TLK1: variants seen among roughly 807,000 people sequenced by gnomAD.
TLK1 encodes tousled like kinase 1, also known as serine/threonine-protein kinase tousled-like 1.
A neutral mutation model predicts 105.3 loss-of-function variants in TLK1; 24 were observed. That is an observed-to-expected ratio of 0.23 (90% CI 0.17 to 0.32). TLK1 has a LOEUF of 0.32. Among genes scored for constraint, TLK1 ranks in the 10% least tolerant of loss-of-function variants. The pLI, the probability that TLK1 is intolerant of heterozygous loss-of-function variation, is 1.00. For synonymous variants in TLK1, 321 were observed against 310.4 expected (o/e 1.03, Z -0.36); for missense variants, 558 against 910.5 (o/e 0.61, Z 4.98).
At chr2:171,228,308 A>C (rs946420678) in intron 1 of TLK1, among the ~76,000 whole-genome samples, 2 of 152,134 alleles carry the variant, frequency 1.3e-5, no homozygotes, top group African/African-American at 4.8e-5. Context: ...AATCCCAGCT[A>C]CTCTGGAGTC....
intron 1 of TLK1, among the ~76,000 whole-genome samples, chr2:171,133,476 G>A (rs760617471): frequency 6.6e-6 from 1 of 152,144 alleles, no homozygotes; most frequent in Non-Finnish European, 1.5e-5. Flanking sequence ...GCAGGTGCCT[G>A]TAATCCCAGC....
intron 11 of TLK1, among the ~76,000 whole-genome samples, chr2:171,033,700 TA>T (rs1360919713): frequency 1.3e-5 from 2 of 150,272 alleles, no homozygotes; most frequent in African/African-American, 2.4e-5. Context: ...GGTGCAAAAG[TA>T]ATTGCGGTTT....
chr2:171,026,320 TA>T (rs1685771403), intron 12 of TLK1, among the ~76,000 whole-genome samples: 1 of 152,130 alleles, frequency 6.6e-6, no homozygotes, highest in Non-Finnish European at 1.5e-5. Flanking sequence ...CCTTACTTTA[TA>T]AAAGTGTTTT....
chr2:171,160,823 C>G lies in TLK1; in HGVS notation c.-395G>C. 2.9e-6 allele frequency: 1 copy of G among 349,316 alleles called. No individual in the cohort carries two copies. The highest frequency in any genetic ancestry group is 5.1e-6 in the Non-Finnish European group (1 of 195,906). The allele number at this position is 349,316 out of a possible 1,614,324, so 21.6% of individuals were successfully genotyped here. ...TGCCGGCACCTCTGCAGTGCGTCGG[C>G]CCCCGGCGTCGCCCGGGAGGCGGCG... On this transcript the variant is annotated 5_prime_UTR_variant, in exon 1 of 21. Coordinates refer to ENST00000431350, the MANE Select transcript of TLK1 (RefSeq NM_012290.5). The surrounding 1 kb of genome is among the most constrained non-coding windows in gnomAD (Gnocchi z 4.4).
intron 1 of TLK1, among the ~76,000 whole-genome samples, chr2:171,230,725 C>T (rs1693981116): frequency 6.6e-6 from 1 of 152,206 alleles, no homozygotes; most frequent in Admixed American, 6.5e-5. Context: ...AGGCAACAGA[C>T]CTACTACAGT....
intron 1 of TLK1, among the ~76,000 whole-genome samples, chr2:171,133,991 C>T (rs1434435845): frequency 2.0e-5 from 3 of 152,020 alleles, no homozygotes; most frequent in Non-Finnish European, 2.9e-5. Flanking sequence ...GCCACCATAC[C>T]TGGCTGTTTT....
chr2:171,117,883 T>TAC, intron 1 of TLK1, 26 bp from the exon 2 acceptor site: 1 of 1,462,892 alleles, frequency 6.8e-7, no homozygotes, highest in Non-Finnish European at 9.5e-7. Context: ...AATATATATG[T>TAC]ACACATATAT....
At chr2:171,149,123 T>A (rs1283714301) in intron 1 of TLK1, among the ~76,000 whole-genome samples, 3 of 117,792 alleles carry the variant, frequency 2.5e-5, no homozygotes, top group Admixed American at 8.7e-5. Context: ...TTTTTTTTTT[T>A]AACATTTCTA....
intron 1 of TLK1, among the ~76,000 whole-genome samples, chr2:171,121,627 T>G (rs1690658563): frequency 6.6e-6 from 1 of 152,168 alleles, no homozygotes; most frequent in Non-Finnish European, 1.5e-5. Context: ...AATGAAAAGG[T>G]AAACAACAGA....
chr2:171,072,799 C>T (rs1290489618), intron 3 of TLK1, among the ~76,000 whole-genome samples: 5 of 150,976 alleles, frequency 3.3e-5, no homozygotes, highest in Admixed American at 2.0e-4. Flanking sequence ...TGCAGTGGTT[C>T]GCTCCTGTAA....
chr2:171,085,797 A>G (rs558065288), intron 2 of TLK1, among the ~76,000 whole-genome samples: 1 of 152,336 alleles, frequency 6.6e-6, no homozygotes, highest in Admixed American at 6.5e-5. Flanking sequence ...AAGCAATAAT[A>G]TGACTTATTG....
intron 1 of TLK1, among the ~76,000 whole-genome samples, chr2:171,183,503 T>C (rs978379495): frequency 2.0e-5 from 3 of 152,168 alleles, no homozygotes; most frequent in Non-Finnish European, 1.5e-5. Context: ...CTTTCCTATC[T>C]GGTTGGTTTT....
chr2:171,193,028 A>G (rs995219080), intron 1 of TLK1, among the ~76,000 whole-genome samples: 1 of 152,234 alleles, frequency 6.6e-6, no homozygotes, highest in African/African-American at 2.4e-5. Flanking sequence ...TATGGTGTAA[A>G]ACCTGCTAAT....
At chr2:171,198,845 A>G (rs1693327209) in intron 1 of TLK1, among the ~76,000 whole-genome samples, 1 of 152,248 alleles carries the variant, frequency 6.6e-6, no homozygotes, top group South Asian at 2.1e-4. Flanking sequence ...CTATCTATTT[A>G]CCTGTTGATC....
chr2:170,991,324 G>A lies in TLK1; in HGVS notation c.*2456C>T, dbSNP rs1408572417. The A allele has an allele frequency of 6.6e-6, 1 of 152,138 alleles. No individual in the cohort carries two copies. Among genetic ancestry groups the A allele is most frequent in the Non-Finnish European group, 1.5e-5 (1 of 68,020 alleles). 9.4% of individuals were successfully genotyped at this position (152,138 alleles called of 1,614,324 possible). ...AAACAGTGTCAAAGACTGTCAGAGT[G>A]ACCTTGAAATCATTTAGCAATAGAT... On this transcript the variant is annotated 3_prime_UTR_variant, in exon 21 of 21. Coordinates refer to ENST00000431350, the MANE Select transcript of TLK1 (RefSeq NM_012290.5).
In TLK1 at chr2:171,049,836, A is replaced by G; in HGVS notation, c.958T>C (p.Phe320Leu). The change falls in exon 10 of 21, where the codon TTT (phenylalanine) becomes CTT (leucine). Residue 320 changes from phenylalanine to leucine, a missense_variant. Physicochemically the swap from Phe to Leu is conservative, Grantham distance 22. Transcript: ENST00000431350. ...AACTTCACAAGATTCTGAAATGCAA[A>G]ACCATCTGTCCATTGTTCAGTAAAT... ...ASFTEQWTDG[F>L]AFQNLVKQQE... is the part of the protein sequence containing the mutation. The G allele has an allele frequency of 6.2e-7, 1 of 1,613,870 alleles. No individual in the cohort carries two copies. The highest frequency in any genetic ancestry group is 2.2e-5 in the East Asian group (1 of 44,836).
At chr2:171,039,556 C>A (rs1686552259) in intron 11 of TLK1, among the ~76,000 whole-genome samples, 1 of 152,206 alleles carries the variant, frequency 6.6e-6, no homozygotes, top group South Asian at 2.1e-4. Flanking sequence ...CCACACCCAA[C>A]CTCAATGAGT....
intron 2 of TLK1, among the ~76,000 whole-genome samples, chr2:171,095,505 T>C (rs1257516421): frequency 3.9e-5 from 6 of 151,984 alleles, no homozygotes; most frequent in African/African-American, 1.2e-4. Flanking sequence ...ACAAATCAGA[T>C]AACTAAGATG....
At chr2:171,127,590 C>T (rs552486108) in intron 1 of TLK1, among the ~76,000 whole-genome samples, 67 of 152,184 alleles carry the variant, frequency 4.4e-4, no homozygotes, top group Middle Eastern at 3.4e-3. Flanking sequence ...CCTTCCCTCA[C>T]ATGAATTCAA....
Sources: allele counts gnomAD v4.1 joint callset (sites outside exome capture counted in the v4.1 genomes callset), GRCh38; gene constraint gnomAD v4.1.1; non-coding constraint Gnocchi (gnomAD v3.1); transcripts MANE v1.5; gene names NCBI Gene and HGNC (gene_info 2026-07-23, HGNC 2026-07-21).